The following HEATR4 variants were observed in gnomAD, a reference collection of about 807,000 sequenced individuals.
HEATR4 encodes the protein HEAT repeat-containing protein 4.
Under a neutral mutation model 108.8 loss-of-function variants are expected in HEATR4, and 95 were observed. That is an observed-to-expected ratio of 0.87 (90% CI 0.74 to 1.04). HEATR4 has a LOEUF of 1.04. Ranked by LOEUF, HEATR4 falls within the 50% of genes least tolerant of loss-of-function variation. The pLI, the probability that HEATR4 is intolerant of heterozygous loss-of-function variation, is 0.00. For synonymous variants in HEATR4, 443 were observed against 459.4 expected (o/e 0.96, Z 0.46); for missense variants, 1,152 against 1,253.8 (o/e 0.92, Z 1.23).
rs534030995 is a variant in HEATR4, at chr14:73,542,978, G to T, written c.-151-12734C>A. 39 of 1,221,716 alleles carry T rather than the reference G, an allele frequency of 3.2e-5. 9 individuals carry two copies. The African/African-American group carries it at 6.2e-4, about 20-fold the overall frequency. The allele number at this position is 1,221,716 out of a possible 1,614,324, so 75.7% of individuals were successfully genotyped here. Reference sequence around the variant, plus strand: ...AGACTCAGGTTCAACTAACTTCCAGGGTGGGCACAACTCACCATATTCCAC... The same window carrying T: ...AGACTCAGGTTCAACTAACTTCCAGTGTGGGCACAACTCACCATATTCCAC... On this transcript the variant is annotated intron_variant, in intron 1 of 17. Coordinates refer to ENST00000553558, the MANE Select transcript of HEATR4 (RefSeq NM_001220484.1).
chr14:73,551,675 G>GCA (rs1445263199), intron 1 of HEATR4, among the ~76,000 whole-genome samples: 8 of 111,618 alleles, frequency 7.2e-5, no homozygotes, highest in African/African-American at 2.3e-4. Context: ...GGGTGTGGTG[G>GCA]TGCGCACCTG....
At chr14:73,631,094 A>G in the HEATR4 span, among the ~76,000 whole-genome samples, 1 of 152,316 alleles carries the variant, frequency 6.6e-6, no homozygotes, top group South Asian at 2.1e-4. Flanking sequence ...TCTATCCAGA[A>G]ATATGACACA....
At chr14:73,607,148 A>G in the HEATR4 span, among the ~76,000 whole-genome samples, 1 of 152,134 alleles carries the variant, frequency 6.6e-6, no homozygotes, top group Non-Finnish European at 1.5e-5. Context: ...TGTCTCTACT[A>G]AAAATACAAA....
the HEATR4 span, among the ~76,000 whole-genome samples, chr14:73,608,975 A>G: frequency 6.6e-6 from 1 of 152,222 alleles, no homozygotes; most frequent in Non-Finnish European, 1.5e-5. Context: ...TCACCAGAAC[A>G]GCATGAGACT....
At chr14:73,508,044 C>T (rs1886962736) in intron 9 of HEATR4, 90 bp downstream of exon 9, 1 of 1,258,086 alleles carries the variant, frequency 7.9e-7, no homozygotes, top group Admixed American at 1.8e-5. Context: ...CTGCCCCGGC[C>T]CCAGCTGCAT....
the HEATR4 span, among the ~76,000 whole-genome samples, chr14:73,629,676 A>G: frequency 7.4e-5 from 11 of 149,476 alleles, no homozygotes; most frequent in East Asian, 9.8e-4. Context: ...ATGGAGTCTC[A>G]CTCTGTTGCC....
At chr14:73,594,002 T>C in the HEATR4 span, 1 of 1,144,576 alleles carries the variant, frequency 8.7e-7, no homozygotes, top group East Asian at 2.4e-5. Context: ...TGTTCCTCTT[T>C]CACAAAGATG....
chr14:73,551,805 G>A (rs6574125), intron 1 of HEATR4, among the ~76,000 whole-genome samples: 2,399 of 99,386 alleles, frequency 0.024, 515 homozygotes, highest in African/African-American at 0.076. Context: ...GTAAATCTCC[G>A]TCTTAAAAAA....
upstream of HEATR4, among the ~76,000 whole-genome samples, chr14:73,563,263 A>G (rs1242234643): frequency 6.6e-6 from 1 of 152,038 alleles, no homozygotes; most frequent in Non-Finnish European, 1.5e-5. Flanking sequence ...GAGTTCCCCC[A>G]ATAGTTTAAT....
At chr14:73,616,480 G>A in the HEATR4 span, among the ~76,000 whole-genome samples, 3 of 151,990 alleles carry the variant, frequency 2.0e-5, no homozygotes, top group Admixed American at 2.0e-4. Context: ...ATCACCTGAG[G>A]TCAGGAGTTC....
intron 10 of HEATR4, among the ~76,000 whole-genome samples, chr14:73,504,244 A>ATT (rs537467265): frequency 7.6e-5 from 10 of 131,294 alleles, no homozygotes; most frequent in South Asian, 4.9e-4. Flanking sequence ...AGCCTGGCTA[A>ATT]TTTTTTTTTT....
the HEATR4 span, among the ~76,000 whole-genome samples, chr14:73,618,329 C>A: frequency 6.8e-6 from 1 of 146,468 alleles, no homozygotes; most frequent in Non-Finnish European, 1.5e-5. Flanking sequence ...CCCCAGAATT[C>A]TCTGCCAAAC....
the HEATR4 span, among the ~76,000 whole-genome samples, chr14:73,589,193 G>T: frequency 6.6e-6 from 1 of 152,064 alleles, no homozygotes; most frequent in Non-Finnish European, 1.5e-5. Flanking sequence ...GTATCATACA[G>T]AACAGCTTCA....
At chr14:73,496,719 C>T (rs1211411315) in intron 14 of HEATR4, 40 bp from the exon 15 acceptor site, 1 of 1,139,888 alleles carries the variant, frequency 8.8e-7, no homozygotes, top group South Asian at 1.3e-5. Flanking sequence ...TTCTACCCTG[C>T]CCTTTAAAAA....
chr14:73,592,240 T>G, the HEATR4 span: 2 of 1,613,162 alleles, frequency 1.2e-6, no homozygotes, highest in South Asian at 2.2e-5. Flanking sequence ...TGGCGCTTCC[T>G]GAAGCGGGAC....
chr14:73,623,354 T>C, the HEATR4 span, among the ~76,000 whole-genome samples: 4 of 152,156 alleles, frequency 2.6e-5, no homozygotes, highest in African/African-American at 9.7e-5. Context: ...GGTAGTGTTA[T>C]AGTTTAGATG....
chr14:73,520,849 T>A lies in HEATR4; in HGVS notation c.1069+3A>T, dbSNP rs72738336. On this transcript the variant is annotated splice_donor_region_variant and intron_variant, in intron 4 of 17. Coordinates refer to ENST00000553558, the MANE Select transcript of HEATR4 (RefSeq NM_001220484.1). ...CCCTACCACAGGGGCCCAGCTCTAT[T>A]ACCAAAGTAAATCTCCTGTTCAAAG... The A allele has an allele frequency of 9.4e-3, 15,179 of 1,612,994 alleles. 98 individuals are homozygous for A. The highest frequency in any genetic ancestry group is 0.011 in the Non-Finnish European group (12,835 of 1,179,364).
chr14:73,613,106 G>A, the HEATR4 span: 2 of 527,700 alleles, frequency 3.8e-6, no homozygotes, highest in South Asian at 5.5e-5. Flanking sequence ...TCGCGTGATT[G>A]TGGAACATCC....
chr14:73,517,682 G>A (rs67482217), intron 5 of HEATR4, among the ~76,000 whole-genome samples: 20,417 of 85,526 alleles, frequency 0.24, 1,985 homozygotes, highest in East Asian at 0.48. Context: ...AAAAAAAAAA[G>A]AAGAAGAAAA....
Sources: allele counts gnomAD v4.1 joint callset (sites outside exome capture counted in the v4.1 genomes callset), GRCh38; gene constraint gnomAD v4.1.1; transcripts MANE v1.5; gene names NCBI Gene and HGNC (gene_info 2026-07-23, HGNC 2026-07-21).